GRID2: variants seen among roughly 807,000 people sequenced by gnomAD.
The protein encoded by GRID2 is glutamate receptor ionotropic, delta-2.
Under a neutral mutation model 114.8 loss-of-function variants are expected in GRID2, and 33 were observed. The ratio of observed to expected loss-of-function variants is 0.29; its 90% CI spans 0.22 to 0.38. The LOEUF (loss-of-function observed/expected upper bound fraction) is 0.38, where lower values mean the gene tolerates loss of function less well. Among genes scored for constraint, GRID2 ranks in the 10% least tolerant of loss-of-function variants. The pLI is 1.00. For synonymous variants in GRID2, 505 were observed against 449.9 expected (o/e 1.12, Z -1.55); for missense variants, 1,184 against 1,257.7 (o/e 0.94, Z 0.89).
At chr4:93,593,640 T>G (rs1330355773) in intron 13 of GRID2, among the ~76,000 whole-genome samples, 4 of 151,842 alleles carry the variant, frequency 2.6e-5, no homozygotes, top group African/African-American at 9.7e-5. Flanking sequence ...GATAATATCC[T>G]GCAGAGTGTT....
intron 14 of GRID2, among the ~76,000 whole-genome samples, chr4:93,673,279 C>T (rs561366807): frequency 2.1e-4 from 32 of 152,208 alleles, no homozygotes; most frequent in African/African-American, 6.5e-4. Context: ...GTATTACAAG[C>T]ATCTAAAGAA....
chr4:92,779,799 C>T (rs1738985452), intron 2 of GRID2, among the ~76,000 whole-genome samples: 1 of 152,100 alleles, frequency 6.6e-6, no homozygotes, highest in Admixed American at 6.6e-5. Context: ...GGCTTTGTTA[C>T]TATGAAGAAA....
At chr4:92,625,089 T>C (rs1422664390) in intron 2 of GRID2, among the ~76,000 whole-genome samples, 1 of 151,788 alleles carries the variant, frequency 6.6e-6, no homozygotes, top group African/African-American at 2.4e-5. Context: ...TTTTGTTTAA[T>C]GTTCCTGCCA....
chr4:92,978,591 T>C (rs1754008880), intron 2 of GRID2, among the ~76,000 whole-genome samples: 1 of 152,184 alleles, frequency 6.6e-6, no homozygotes. Context: ...GCTTGTTTTC[T>C]TTCCCTAGCA....
chr4:92,600,709 G>A (rs1261442142), intron 2 of GRID2, among the ~76,000 whole-genome samples: 2 of 152,204 alleles, frequency 1.3e-5, no homozygotes, highest in East Asian at 3.9e-4. Flanking sequence ...CATACCTGGA[G>A]GTGTCATCAG....
chr4:92,553,939 C>A (rs537298709), intron 1 of GRID2, among the ~76,000 whole-genome samples: 1 of 152,224 alleles, frequency 6.6e-6, no homozygotes, highest in South Asian at 2.1e-4. Flanking sequence ...CGTGAGCCAC[C>A]GTGCCCAGCC....
intron 2 of GRID2, among the ~76,000 whole-genome samples, chr4:93,073,400 C>G (rs568658142): frequency 6.6e-6 from 1 of 152,050 alleles, no homozygotes; most frequent in Non-Finnish European, 1.5e-5. Context: ...ATTTTCTTTT[C>G]TCTAGTTTAC....
chr4:93,650,257 A>G (rs2149720444), intron 14 of GRID2, among the ~76,000 whole-genome samples: 1 of 152,352 alleles, frequency 6.6e-6, no homozygotes, highest in Non-Finnish European at 1.5e-5. Flanking sequence ...AAAAAAAATA[A>G]GGACAAAATC....
intron 2 of GRID2, among the ~76,000 whole-genome samples, chr4:92,989,511 G>T (rs1015496991): frequency 6.6e-6 from 1 of 151,474 alleles, no homozygotes; most frequent in Admixed American, 6.6e-5. Context: ...ATTTTCTCAA[G>T]GTTTGCATCC....
intron 2 of GRID2, among the ~76,000 whole-genome samples, chr4:92,928,055 A>C (rs1410441252): frequency 6.6e-6 from 1 of 151,592 alleles, no homozygotes; most frequent in Non-Finnish European, 1.5e-5. Flanking sequence ...ATCTTTGAAA[A>C]CTTAATCCAG....
chr4:92,415,048 A>G (rs1239516119), intron 1 of GRID2, among the ~76,000 whole-genome samples: 1 of 152,080 alleles, frequency 6.6e-6, no homozygotes, highest in African/African-American at 2.4e-5. Flanking sequence ...AAAAAGAACA[A>G]GATAAATTGT....
intron 1 of GRID2, among the ~76,000 whole-genome samples, chr4:92,471,160 G>T (rs1722014994): frequency 6.6e-6 from 1 of 151,958 alleles, no homozygotes; most frequent in African/African-American, 2.4e-5. Context: ...AAACCCCAAG[G>T]AAATGGCAAC....
chr4:93,261,542 G>A (rs897289757), intron 8 of GRID2, among the ~76,000 whole-genome samples: 21 of 151,788 alleles, frequency 1.4e-4, no homozygotes, highest in Non-Finnish European at 1.5e-5. Flanking sequence ...ATTTCAAGTG[G>A]AATGACCTGT....
chr4:93,802,019 A>G (rs1406876598), intron 1 of GRID2, among the ~76,000 whole-genome samples: 1 of 152,192 alleles, frequency 6.6e-6, no homozygotes, highest in African/African-American at 2.4e-5. Context: ...TTTGAGGGAG[A>G]CAGAGAATCC....
intron 1 of GRID2, among the ~76,000 whole-genome samples, chr4:92,314,834 A>G (rs777531924): frequency 6.6e-6 from 1 of 152,300 alleles, no homozygotes; most frequent in South Asian, 2.1e-4. Context: ...CATTTCAGGT[A>G]AAGGATACTC....
chr4:93,095,379 AG>A (rs1207560734), intron 3 of GRID2, among the ~76,000 whole-genome samples: 1 of 152,054 alleles, frequency 6.6e-6, no homozygotes, highest in African/African-American at 2.4e-5. Context: ...AAATACACAC[AG>A]AAAACAAAAT....
intron 1 of GRID2, among the ~76,000 whole-genome samples, chr4:92,429,498 T>C (rs1172612074): frequency 6.6e-6 from 1 of 152,198 alleles, no homozygotes. Context: ...CTTTCATCTG[T>C]TGATGAAGAG....
intron 13 of GRID2, among the ~76,000 whole-genome samples, chr4:93,546,292 G>C (rs1287037635): frequency 1.3e-5 from 2 of 152,156 alleles, no homozygotes; most frequent in African/African-American, 2.4e-5. Context: ...GAAGAATCTA[G>C]AGCTCAAGGT....
chr4:92,312,029 G>T (rs1725733761), intron 1 of GRID2, among the ~76,000 whole-genome samples: 1 of 151,854 alleles, frequency 6.6e-6, no homozygotes, highest in Non-Finnish European at 1.5e-5. Flanking sequence ...TTGATCCAAA[G>T]AAAGGATGTG....
Sources: allele counts gnomAD v4.1 joint callset (sites outside exome capture counted in the v4.1 genomes callset), GRCh38; gene constraint gnomAD v4.1.1; transcripts MANE v1.5; gene names NCBI Gene and HGNC (gene_info 2026-07-23, HGNC 2026-07-21).